PPARG: variants seen among roughly 807,000 people sequenced by gnomAD.
PPARG encodes the protein peroxisome proliferator activated receptor gamma.
PPARG carries 17 observed loss-of-function variants against 39.2 expected under a neutral mutation model. The observed-to-expected ratio is 0.43, with a 90% CI of 0.30 to 0.65. The LOEUF is 0.65. PPARG is among the 30% of genes least tolerant of loss of function. The pLI, the probability that PPARG is intolerant of heterozygous loss-of-function variation, is 0.13. For missense variants in PPARG, 406 were observed against 585.9 expected (o/e 0.69, Z 3.17); for synonymous variants, 223 against 215.7 (o/e 1.03, Z -0.30).
intron 7 of PPARG, among the ~76,000 whole-genome samples, chr3:12,420,820 C>T (rs140413008): frequency 2.2e-4 from 33 of 152,322 alleles, no homozygotes; most frequent in African/African-American, 7.5e-4. Context: ...TTTGCCTGGG[C>T]TTAGCGTCTC....
chr3:12,417,703 A>C (rs1486624114), intron 7 of PPARG, among the ~76,000 whole-genome samples: 4 of 152,062 alleles, frequency 2.6e-5, no homozygotes, highest in Non-Finnish European at 4.4e-5. Flanking sequence ...GGCTTCCCTT[A>C]AAGTACCTTT....
chr3:12,330,701 G>A (rs1351024935), intron 2 of PPARG, among the ~76,000 whole-genome samples: 2 of 152,160 alleles, frequency 1.3e-5, no homozygotes, highest in East Asian at 1.9e-4. Flanking sequence ...TTCTGGATGC[G>A]TTGATGCTGT....
At chr3:12,321,321 A>G (rs541565640) in intron 2 of PPARG, among the ~76,000 whole-genome samples, 1 of 152,282 alleles carries the variant, frequency 6.6e-6, no homozygotes, top group South Asian at 2.1e-4. Flanking sequence ...TGTTCTTAAT[A>G]TATATGGGGT....
chr3:12,391,867 C>T (rs989368711), intron 4 of PPARG, among the ~76,000 whole-genome samples: 3 of 152,048 alleles, frequency 2.0e-5, no homozygotes, highest in African/African-American at 4.8e-5. Flanking sequence ...ATATGATGAA[C>T]CCAAAAAATG....
chr3:12,354,380 A>C (rs1412042047), intron 2 of PPARG, among the ~76,000 whole-genome samples: 3 of 152,138 alleles, frequency 2.0e-5, no homozygotes, highest in Non-Finnish European at 4.4e-5. Flanking sequence ...GTAGATCTAA[A>C]GCCCTATATG....
chr3:12,288,495 A>G (rs1177337418), upstream of PPARG, among the ~76,000 whole-genome samples: 1 of 151,684 alleles, frequency 6.6e-6, no homozygotes, highest in Admixed American at 6.6e-5. Context: ...GAGGTGCGCA[A>G]GCGTCGGGAG....
chr3:12,331,842 T>C (rs1197185832), intron 2 of PPARG, among the ~76,000 whole-genome samples: 1 of 152,204 alleles, frequency 6.6e-6, no homozygotes, highest in Admixed American at 6.5e-5. Flanking sequence ...ACAGGGCTCA[T>C]TGAAGGAGGA....
intron 2 of PPARG, among the ~76,000 whole-genome samples, chr3:12,346,018 T>C (rs1057490200): frequency 6.6e-6 from 1 of 152,204 alleles, no homozygotes; most frequent in African/African-American, 2.4e-5. Context: ...ACTAGAGAAT[T>C]TCAGATATTA....
At chr3:12,407,149 A>T (rs2050700713) in intron 6 of PPARG, among the ~76,000 whole-genome samples, 1 of 151,734 alleles carries the variant, frequency 6.6e-6, no homozygotes, top group African/African-American at 2.4e-5. Context: ...TCTGTACCTC[A>T]GTTTGTTGTT....
At chr3:12,369,061 A>G (rs949215443) in intron 2 of PPARG, among the ~76,000 whole-genome samples, 3 of 152,230 alleles carry the variant, frequency 2.0e-5, no homozygotes, top group African/African-American at 4.8e-5. Context: ...TATCTAAATA[A>G]CACTCGTACA....
At position 12,389,888 on chromosome 3, in the gene PPARG, C is replaced by G. The variant is rs185888080; in HGVS notation, c.391-2726C>G. Among the ~76,000 whole-genome samples, 3 of 152,268 alleles carry G rather than the reference C, an allele frequency of 2.0e-5. No homozygotes were observed. The East Asian group carries it at 5.8e-4, about 29-fold the overall frequency. On this transcript the variant is annotated intron_variant, in intron 4 of 7. Transcript: ENST00000651735. ...CTCCAGCCTGAGCAAGAGAGCGAGA[C>G]TCTGTCTCAAAACAAAAAACAAACA... is the stretch of plus-strand genomic sequence containing the variant.
chr3:12,346,432 A>T (rs1194500912), intron 2 of PPARG, among the ~76,000 whole-genome samples: 1 of 152,144 alleles, frequency 6.6e-6, no homozygotes, highest in Non-Finnish European at 1.5e-5. Context: ...CTTAAGGATT[A>T]TTCTGTTTTG....
At chr3:12,350,278 T>C (rs1313038422) in intron 2 of PPARG, among the ~76,000 whole-genome samples, 1 of 152,186 alleles carries the variant, frequency 6.6e-6, no homozygotes, top group Non-Finnish European at 1.5e-5. Flanking sequence ...TTTTGGGGCT[T>C]AATGGCACAG....
chr3:12,312,076 C>A (rs778052188), intron 1 of PPARG, among the ~76,000 whole-genome samples: 3 of 152,156 alleles, frequency 2.0e-5, no homozygotes, highest in African/African-American at 7.2e-5. Flanking sequence ...GGGCTTCATT[C>A]ATGTTAGTGA....
At chr3:12,404,732 A>AG (rs2050597258) in intron 5 of PPARG, among the ~76,000 whole-genome samples, 1 of 152,190 alleles carries the variant, frequency 6.6e-6, no homozygotes, top group Non-Finnish European at 1.5e-5. Flanking sequence ...TGAACCCAGG[A>AG]GGTGGAGGTT....
intron 1 of PPARG, among the ~76,000 whole-genome samples, chr3:12,303,300 G>A (rs767076128): frequency 9.9e-5 from 15 of 151,960 alleles, no homozygotes; most frequent in Non-Finnish European, 1.6e-4. Flanking sequence ...GGGTTCAAGC[G>A]ATTCTCCTGC....
chr3:12,385,866 C>T (rs1269426676), intron 4 of PPARG, among the ~76,000 whole-genome samples: 1 of 152,148 alleles, frequency 6.6e-6, no homozygotes, highest in South Asian at 2.1e-4. Flanking sequence ...ATTGTAAAAT[C>T]AACAACACCA....
chr3:12,328,474 C>T (rs531228758), intron 2 of PPARG, among the ~76,000 whole-genome samples: 1 of 152,246 alleles, frequency 6.6e-6, no homozygotes, highest in Non-Finnish European at 1.5e-5. Flanking sequence ...TTGCCTGCCA[C>T]CTCTGCCCAG....
intron 1 of PPARG, among the ~76,000 whole-genome samples, chr3:12,293,260 G>C (rs990490195): frequency 5.9e-5 from 9 of 152,116 alleles, no homozygotes; most frequent in Admixed American, 3.9e-4. Context: ...CAGTTCAGTT[G>C]GATTCAATAT....
Sources: gnomAD v4.1 joint callset for allele counts (sites outside exome capture counted in the v4.1 genomes callset) on GRCh38, gnomAD v4.1.1 for gene constraint, MANE v1.5 for transcripts, NCBI Gene and HGNC (gene_info 2026-07-23, HGNC 2026-07-21) for gene names.